SGK2: variants seen among roughly 807,000 people sequenced by gnomAD.
SGK2 encodes the protein serum/glucocorticoid regulated kinase 2.
A neutral mutation model predicts 47.5 loss-of-function variants in SGK2; 36 were observed. The observed-to-expected ratio is 0.76, with a 90% CI of 0.58 to 1.00. The LOEUF is 1.00. Ranked by LOEUF, SGK2 falls within the 50% of genes least tolerant of loss-of-function variation. SGK2 has a pLI of 0.00. For synonymous variants in SGK2, 157 were observed against 181.9 expected, an observed-to-expected ratio of 0.86 and a Z score of 1.10; for missense variants, 404 against 467.4, an observed-to-expected ratio of 0.86 and a Z score of 1.25.
intron 1 of SGK2, among the ~76,000 whole-genome samples, chr20:43,562,642 G>T (rs1420085250): frequency 6.6e-6 from 1 of 152,082 alleles, no homozygotes; most frequent in Admixed American, 6.5e-5. Flanking sequence ...TCGGGAGGCT[G>T]AGGCAGGAGA....
Position 43,585,329 on chromosome 20 carries a change from G to A in SGK2, c.*313G>A, listed in dbSNP as rs1327389636. The A allele has an allele frequency of 1.0e-5, 2 of 197,544 alleles. No homozygotes were observed. The highest frequency in any genetic ancestry group is 4.6e-5 in the African/African-American group (2 of 43,414). The allele number at this position is 197,544 out of a possible 1,614,324, so 12.2% of individuals were successfully genotyped here. ...AGGGAAAATGGAGGAAAGGGGAGAA[G>A]AGCAAAGGGCGCTTTTAAAGAGCTT... On this transcript the variant is annotated 3_prime_UTR_variant, in exon 13 of 13. Coordinates refer to ENST00000373100, the MANE Select transcript of SGK2 (RefSeq NM_170693.3).
chr20:43,585,014 T>C lies in SGK2; in HGVS notation c.1102T>C (p.Ter368GlnextTer14). 1 of 1,612,920 alleles carries C rather than the reference T, an allele frequency of 6.2e-7. No homozygotes were observed. Among genetic ancestry groups the C allele is most frequent in the Non-Finnish European group, 8.5e-7 (1 of 1,179,250 alleles). ...AGAGGATGATGACATCTTGGATTGC[T>C]AGAAGAGAAGGACCTGTGAAACTAC... ...APEDDDILDC* is the reference protein window; with the variant it reads ...APEDDDILDCQ Residue 368 changes from the stop codon to glutamine (Q), a stop_lost, in exon 13 of 13, where the codon TAG becomes CAG. Coordinates refer to ENST00000373100, the MANE Select transcript of SGK2 (RefSeq NM_170693.3).
At chr20:43,562,586 C>A (rs1568656922) in intron 1 of SGK2, among the ~76,000 whole-genome samples, 1 of 147,934 alleles carries the variant, frequency 6.8e-6, no homozygotes, top group Non-Finnish European at 1.5e-5. Context: ...ACTAAAAATA[C>A]AAAAATTAGC....
chr20:43,570,773 G>A, intron 7 of SGK2, 44 bp downstream of exon 7: 1 of 1,450,314 alleles, frequency 6.9e-7, no homozygotes, highest in Non-Finnish European at 9.6e-7. Flanking sequence ...AGCCCTTCTT[G>A]CTCCAACAGC....
At chr20:43,562,137 G>A (rs1163429271) in intron 1 of SGK2, among the ~76,000 whole-genome samples, 1 of 152,116 alleles carries the variant, frequency 6.6e-6, no homozygotes, top group East Asian at 1.9e-4. Context: ...ATACCAGCCA[G>A]GCGCAGTGGG....
At chr20:43,582,080 C>T (rs1346668986) in intron 12 of SGK2, among the ~76,000 whole-genome samples, 2 of 152,344 alleles carry the variant, frequency 1.3e-5, no homozygotes, top group African/African-American at 4.8e-5. Context: ...CAGGGTCTCA[C>T]TCTATCACCC....
rs1225705735 is a variant in SGK2, at chr20:43,570,704, C to G, written c.448C>G (p.Leu150Val). Residue 150 changes from leucine to valine, a missense_variant, in exon 7 of 13, where the codon CTG becomes GTG. Physicochemically the swap from Leu to Val is conservative, Grantham distance 32. Coordinates refer to ENST00000373100, the MANE Select transcript of SGK2 (RefSeq NM_170693.3). ...TGAGGTGGCCAGCGCCATTGGCTAC[C>G]TGCACTCCCTCAACATCATTTACAG... ...AAEVASAIGY[L>V]HSLNIIYRDL... 3 of 1,613,196 alleles carry G rather than the reference C, an allele frequency of 1.9e-6. No homozygotes were observed. Among genetic ancestry groups the G allele is most frequent in the Admixed American group, 1.7e-5 (1 of 59,968 alleles).
Position 43,561,774 on chromosome 20 carries a change from A to T in SGK2, c.-24+2615A>T, listed in dbSNP as rs569087367. ...CACATGATCTGATTTACATTTTAAGACTCACCGTGGCTTTTCATAGAGAAA... is the reference window on the plus strand; with the variant it reads ...CACATGATCTGATTTACATTTTAAGTCTCACCGTGGCTTTTCATAGAGAAA... On this transcript the variant is annotated intron_variant, in intron 1 of 12. Coordinates refer to ENST00000373100, the MANE Select transcript of SGK2 (RefSeq NM_170693.3). Among the ~76,000 whole-genome samples the T allele has an allele frequency of 3.9e-5, 6 of 152,104 alleles. No individual in the cohort carries two copies. The East Asian group carries it at 1.2e-3, about 29-fold the overall frequency.
intron 9 of SGK2, among the ~76,000 whole-genome samples, chr20:43,573,687 G>A (rs1470787020): frequency 1.3e-5 from 2 of 152,080 alleles, no homozygotes; most frequent in East Asian, 3.9e-4. Context: ...TGCTTGAAAA[G>A]CTGGGTCTTA....
At chr20:43,571,091 G>A in intron 8 of SGK2, 31 bp downstream of exon 8, 1 of 1,609,712 alleles carries the variant, frequency 6.2e-7, no homozygotes. Flanking sequence ...GTGTGTGTGT[G>A]TGTGTGTGTG....
intron 1 of SGK2, among the ~76,000 whole-genome samples, chr20:43,561,040 C>CA (rs2145524082): frequency 6.6e-6 from 1 of 152,296 alleles, no homozygotes; most frequent in East Asian, 1.9e-4. Context: ...CTGGTTGGCC[C>CA]AGGACTATAG....
intron 11 of SGK2, among the ~76,000 whole-genome samples, chr20:43,579,245 A>T (rs1980648016): frequency 6.6e-6 from 1 of 152,012 alleles, no homozygotes; most frequent in Non-Finnish European, 1.5e-5. Context: ...TGAACTCCTG[A>T]CCTCAGGTGA....
intron 12 of SGK2, among the ~76,000 whole-genome samples, chr20:43,584,224 G>A (rs1980970513): frequency 6.6e-6 from 1 of 152,194 alleles, no homozygotes; most frequent in Admixed American, 6.5e-5. Context: ...TACAGCAAGA[G>A]AGCAACTCCT....
At chr20:43,566,280 G>A in intron 1 of SGK2, 193 bp from the exon 2 acceptor site, 2 of 1,501,456 alleles carry the variant, frequency 1.3e-6, no homozygotes, top group Non-Finnish European at 9.1e-7. Context: ...TTGTTAGGAA[G>A]TCTGGGTCCA....
Position 43,570,981 on chromosome 20 carries a change from A to G in SGK2, c.474-43A>G, listed in dbSNP as rs756915415. On this transcript the variant is annotated intron_variant, in intron 7 of 12. Transcript: ENST00000373100. ...CCAGGTCTCCAACTCTCCTCACTAA[A>G]TGGCTGAGACACCTCAAGGCTGTTT... 3 of 1,612,094 alleles carry G rather than the reference A, an allele frequency of 1.9e-6. No individual in the cohort carries two copies. The Admixed American group carries it at 5.0e-5, about 27-fold the overall frequency.
At chr20:43,570,884 GCCTTTCT>G in intron 7 of SGK2, 133 bp from the exon 8 acceptor site, 1 of 1,415,770 alleles carries the variant, frequency 7.1e-7, no homozygotes, top group Non-Finnish European at 9.8e-7. Context: ...CAAGTGCCCA[GCCTTTCT>G]GGGCTCTCCT....
At chr20:43,561,825 AG>A (rs144067348) in intron 1 of SGK2, among the ~76,000 whole-genome samples, 20,875 of 152,158 alleles carry the variant, frequency 0.14, 1,536 homozygotes, top group Non-Finnish European at 0.16. Context: ...ATGGAGAAGC[AG>A]GGGTCAGTGG....
chr20:43,570,691 CGCCATTG>C lies in SGK2; in HGVS notation c.438_444del (p.Ile147ThrfsTer12). On this transcript the variant is annotated frameshift_variant, in exon 7 of 13. Transcript: ENST00000373100. LOFTEE classifies it high-confidence loss of function. ...GGTTCTACGCTGCTGAGGTGGCCAG[CGCCATTG>C]GCTACCTGCACTCCCTCAACATCAT... is the stretch of plus-strand genomic sequence containing the variant. 6.2e-7 allele frequency: 1 copy of C among 1,613,384 alleles called. No homozygotes were observed. Among genetic ancestry groups the C allele is most frequent in the Non-Finnish European group, 8.5e-7 (1 of 1,179,406 alleles).
At chr20:43,568,917 TG>T (rs1445120147) in intron 5 of SGK2, among the ~76,000 whole-genome samples, 1 of 151,742 alleles carries the variant, frequency 6.6e-6, no homozygotes, top group Non-Finnish European at 1.5e-5. Context: ...AAGGTCTCCG[TG>T]GGGGGTGGAA....
Sources: gnomAD v4.1 joint callset for allele counts (sites outside exome capture counted in the v4.1 genomes callset) on GRCh38, gnomAD v4.1.1 for gene constraint, MANE v1.5 for transcripts, NCBI Gene and HGNC (gene_info 2026-07-23, HGNC 2026-07-21) for gene names.